Variants in PML observed in about 807,000 individuals in gnomAD.
PML encodes PML nuclear body scaffold.
A neutral mutation model predicts 65.2 loss-of-function variants in PML; 28 were observed. The ratio of observed to expected loss-of-function variants is 0.43; its 90% CI spans 0.32 to 0.59. The LOEUF (loss-of-function observed/expected upper bound fraction) is 0.59, where lower values mean the gene tolerates loss of function less well. Among genes scored for constraint, PML ranks in the 20% least tolerant of loss-of-function variants. The pLI is 0.08. For missense variants in PML, 1,021 were observed against 1,203.4 expected, an observed-to-expected ratio of 0.85 and a Z score of 2.24; for synonymous variants, 500 against 508.8, an observed-to-expected ratio of 0.98 and a Z score of 0.23.
At position 74,023,120 on chromosome 15, in the gene PML, G is replaced by A. The variant is rs2070916958; in HGVS notation, c.895G>A (p.Glu299Lys). ...HVRAQERELL[E>K]AVDARYQRDY... The stretch of plus-strand genomic sequence containing the variant: ...GCGGGCTCAGGAGCGCGAGCTGCTG[G>A]AGGCTGTGGACGCGCGGTACCAGCG... Residue 299 changes from glutamate (E) to lysine (K), a missense_variant, in exon 3 of 9, where the codon GAG becomes AAG. By Grantham distance (56) the Glu-to-Lys change is moderately conservative. Transcript: ENST00000268058. The A allele has an allele frequency of 1.2e-6, 2 of 1,604,280 alleles. No individual in the cohort carries two copies. Among genetic ancestry groups the A allele is most frequent in the African/African-American group, 1.3e-5 (1 of 74,888 alleles).
At chr15:74,014,031 T>A (rs1004039731) in intron 2 of PML, among the ~76,000 whole-genome samples, 2 of 152,220 alleles carry the variant, frequency 1.3e-5, no homozygotes, top group African/African-American at 2.4e-5. Flanking sequence ...AAAAAATTTC[T>A]CACTGCTGAC....
At position 74,028,636 on chromosome 15, in the gene PML, G is replaced by A. The variant is rs140489022; in HGVS notation, c.1254+3709G>A. ...TTTCATCTTCCCAAGCTGGAACTCT[G>A]TTCCTGTTAAACAGTCACTCCCCAT... On this transcript the variant is annotated intron_variant, in intron 4 of 8. Transcript: ENST00000268058. Among the ~76,000 whole-genome samples the A allele has an allele frequency of 8.3e-3, 1,270 of 152,222 alleles. 30 individuals carry two copies. Among genetic ancestry groups the A allele is most frequent in the Admixed American group, 0.045 (688 of 15,280 alleles).
At chr15:74,006,966 C>T (rs1005399202) in intron 2 of PML, among the ~76,000 whole-genome samples, 4 of 152,226 alleles carry the variant, frequency 2.6e-5, no homozygotes, top group African/African-American at 9.6e-5. Context: ...ATAAGGCATC[C>T]ACCCTCATGA....
chr15:74,023,452 G>A, intron 3 of PML, 44 bp downstream of exon 3: 1 of 1,464,538 alleles, frequency 6.8e-7, no homozygotes, highest in Non-Finnish European at 9.4e-7. Flanking sequence ...TGCCTCTGCT[G>A]CACCCTAGGG....
At position 74,043,163 on chromosome 15, in the gene PML, C is replaced by T. The variant is rs540260798; in HGVS notation, c.1861+24C>T. ...AAGTGGGTTCTCCTGGGGCTACCCC[C>T]ACCCCTTTCTAATTTAGTCTCTGAG... On this transcript the variant is annotated intron_variant, in intron 8 of 8. Coordinates refer to ENST00000268058, the MANE Select transcript of PML (RefSeq NM_033238.3). This position sits in a 1 kb window ranked among gnomAD's most constrained non-coding sequence, Gnocchi z 4.3. The T allele has an allele frequency of 1.9e-6, 3 of 1,613,936 alleles. No homozygotes were observed. The highest frequency in any genetic ancestry group is 2.2e-5 in the East Asian group (1 of 44,812).
chr15:73,997,283 A>G (rs950043309), intron 1 of PML, among the ~76,000 whole-genome samples: 1 of 152,202 alleles, frequency 6.6e-6, no homozygotes, highest in Admixed American at 6.5e-5. Flanking sequence ...AGTCAGAGGG[A>G]ATCGGCCTTA....
intron 4 of PML, among the ~76,000 whole-genome samples, chr15:74,032,144 C>T (rs1046505042): frequency 2.0e-5 from 3 of 152,148 alleles, no homozygotes; most frequent in Non-Finnish European, 2.9e-5. Flanking sequence ...CTGAGCATGT[C>T]CTGAGTTGGG....
In PML at chr15:74,037,305, C is replaced by T. The variant is rs2071592048; in HGVS notation, c.1710+2775C>T. 1.0e-6 allele frequency: 1 copy of T among 985,246 alleles called. No individual in the cohort carries two copies. The highest frequency in any genetic ancestry group is 1.2e-6 in the Non-Finnish European group (1 of 829,910). 61.0% of individuals were successfully genotyped at this position (985,246 alleles called of 1,614,324 possible). The stretch of plus-strand genomic sequence containing the variant: ...GTTGACATCTTGCTATTTACAGATC[C>T]CCATCGCACCCCTTCCCTGCCCTCG... On this transcript the variant is annotated intron_variant, in intron 7 of 8. Coordinates refer to ENST00000268058, the MANE Select transcript of PML (RefSeq NM_033238.3). The surrounding 1 kb of genome is among the most constrained non-coding windows in gnomAD (Gnocchi z 4.2).
At chr15:74,008,361 G>A (rs1305553185) in intron 2 of PML, among the ~76,000 whole-genome samples, 2 of 152,202 alleles carry the variant, frequency 1.3e-5, no homozygotes, top group Non-Finnish European at 2.9e-5. Context: ...CCTTTGTCAT[G>A]CCTTCATACC....
At chr15:74,028,350 C>T (rs931567446) in intron 4 of PML, 4 of 150,980 alleles carry the variant, frequency 2.6e-5, no homozygotes, top group African/African-American at 9.8e-5. Context: ...TCGGGGAGTT[C>T]GTGGCCTGTC....
chr15:74,033,827 G>A (rs981303468), intron 6 of PML: 5 of 511,922 alleles, frequency 9.8e-6, no homozygotes, highest in African/African-American at 9.5e-5. Flanking sequence ...TTCCCCAAGT[G>A]TTTCTGCAAA....
At chr15:74,020,528 G>GA (rs1228079117) in intron 2 of PML, among the ~76,000 whole-genome samples, 1 of 152,042 alleles carries the variant, frequency 6.6e-6, no homozygotes, top group Non-Finnish European at 1.5e-5. Context: ...GGTAATATTT[G>GA]AAGAAGCAGC....
intron 4 of PML, among the ~76,000 whole-genome samples, chr15:74,031,724 T>G (rs2071333210): frequency 6.6e-6 from 1 of 152,240 alleles, no homozygotes; most frequent in East Asian, 1.9e-4. Context: ...ACATTTAATT[T>G]TTTAAGAAAC....
In PML at chr15:74,002,476, C is replaced by T. The variant is rs149531399; in HGVS notation, c.602+4000C>T. On this transcript the variant is annotated intron_variant, in intron 2 of 8. Coordinates refer to ENST00000268058, the MANE Select transcript of PML (RefSeq NM_033238.3). The stretch of plus-strand genomic sequence containing the variant: ...TTTTTTTTTTTTTGATGGAGTCTTG[C>T]TCTGTCATCCAGGTTGGAGTGCAGT... Among the ~76,000 whole-genome samples the T allele has an allele frequency of 8.0e-3, 946 of 118,264 alleles. 10 individuals are homozygous for T. Among genetic ancestry groups the T allele is most frequent in the African/African-American group, 0.028 (878 of 31,412 alleles). 77.6% of individuals were successfully genotyped at this position (118,264 alleles called of 152,430 possible).
intron 7 of PML, among the ~76,000 whole-genome samples, chr15:74,038,457 C>T (rs999200687): frequency 1.3e-5 from 2 of 152,060 alleles, no homozygotes; most frequent in South Asian, 2.1e-4. Context: ...GCCAGAGGAC[C>T]GCTGCTTTTG....
At chr15:74,011,436 A>C (rs1191095858) in intron 2 of PML, among the ~76,000 whole-genome samples, 1 of 152,190 alleles carries the variant, frequency 6.6e-6, no homozygotes, top group Non-Finnish European at 1.5e-5. Flanking sequence ...CCTTTAATAC[A>C]TCTTAGAAAA....
intron 2 of PML, among the ~76,000 whole-genome samples, chr15:74,003,566 T>C (rs1327143260): frequency 1.3e-5 from 2 of 152,194 alleles, no homozygotes; most frequent in African/African-American, 4.8e-5. Context: ...ACTTTTATAG[T>C]TTTTCTTCTT....
intron 2 of PML, among the ~76,000 whole-genome samples, chr15:74,010,764 ACT>A (rs1222275806): frequency 6.6e-6 from 1 of 152,090 alleles, no homozygotes. Context: ...GCAGACTTGT[ACT>A]CTATGGCAAG....
chr15:74,002,505 A>G (rs562964292), intron 2 of PML, among the ~76,000 whole-genome samples: 2 of 133,466 alleles, frequency 1.5e-5, no homozygotes, highest in South Asian at 4.7e-4. Context: ...GTGCAGTGGC[A>G]TGATCTCGGC....
Sources: allele counts gnomAD v4.1 joint callset (sites outside exome capture counted in the v4.1 genomes callset), GRCh38; gene constraint gnomAD v4.1.1; non-coding constraint Gnocchi (gnomAD v3.1); transcripts MANE v1.5; gene names NCBI Gene and HGNC (gene_info 2026-07-23, HGNC 2026-07-21).